Variants in RPL27 observed in about 807,000 individuals in gnomAD.
RPL27 encodes the protein ribosomal protein L27.
For synonymous variants in RPL27, 77 were observed against 61.0 expected, an observed-to-expected ratio of 1.26 and a Z score of -1.22; for missense variants, 131 against 174.3, an observed-to-expected ratio of 0.75 and a Z score of 1.40.
At chr17:43,000,765 G>A (rs1258455902) in intron 3 of RPL27, among the ~76,000 whole-genome samples, 1 of 149,410 alleles carries the variant, frequency 6.7e-6, no homozygotes, top group Non-Finnish European at 1.5e-5. Context: ...TTTTTAAGAA[G>A]TACAAGAGGC....
chr17:43,000,391 G>A (rs1352952246), intron 3 of RPL27, among the ~76,000 whole-genome samples: 1 of 152,074 alleles, frequency 6.6e-6, no homozygotes, highest in African/African-American at 2.4e-5. Flanking sequence ...CTGTGAGTGC[G>A]TGAAAGCAAG....
intron 3 of RPL27, among the ~76,000 whole-genome samples, chr17:43,002,301 C>T (rs961000786): frequency 5.9e-5 from 9 of 151,740 alleles, no homozygotes; most frequent in African/African-American, 9.7e-5. Context: ...GTCAGGAGAT[C>T]AAGACCGTCC....
At chr17:43,001,784 T>A (rs1229710809) in intron 3 of RPL27, among the ~76,000 whole-genome samples, 1 of 151,520 alleles carries the variant, frequency 6.6e-6, no homozygotes, top group Non-Finnish European at 1.5e-5. Context: ...CTAACTGTCA[T>A]GATGAAAGTC....
chr17:42,998,854 C>G, intron 2 of RPL27, 23 bp downstream of exon 2: 2 of 1,601,958 alleles, frequency 1.2e-6, no homozygotes, highest in South Asian at 2.2e-5. Flanking sequence ...CGGGACTCTG[C>G]GTCCTTGCAT....
Position 42,999,849 on chromosome 17 carries a change from A to G in RPL27, c.82-84A>G, listed in dbSNP as rs574396422. 3.7e-5 allele frequency: 41 copies of G among 1,098,992 alleles called. No individual in the cohort carries two copies. In the South Asian group the frequency reaches 3.9e-4, roughly 10 times the overall value. The allele number at this position is 1,098,992 out of a possible 1,614,324, so 68.1% of individuals were successfully genotyped here. A position where few individuals can be genotyped will look rare whatever the true frequency, so the allele number is the denominator to read the frequency against. On this transcript the variant is annotated intron_variant, in intron 2 of 4. Transcript: ENST00000253788. ...GGATCTTGGAGACCTGAGGGTGGAA[A>G]TATTTTTTGGACACTGCACTACCTC...
At chr17:42,999,644 C>T in intron 2 of RPL27, 1 of 317,686 alleles carries the variant, frequency 3.1e-6, no homozygotes, top group Non-Finnish European at 5.9e-6. Context: ...TGAATAGATA[C>T]CAAGTCCTGT....
At chr17:43,001,718 G>A (rs906623571) in intron 3 of RPL27, among the ~76,000 whole-genome samples, 4 of 151,792 alleles carry the variant, frequency 2.6e-5, no homozygotes, top group Non-Finnish European at 5.9e-5. Flanking sequence ...TGTCATGAGA[G>A]TGACTGCATT....
intron 1 of RPL27, 76 bp from the exon 2 acceptor site, chr17:42,998,673 T>C: frequency 1.7e-6 from 2 of 1,164,694 alleles, no homozygotes; most frequent in Non-Finnish European, 1.3e-6. Flanking sequence ...AGACCTGGGC[T>C]TGCTGGCAGG....
upstream of RPL27, chr17:42,998,295 GC>G (rs1382352875): frequency 6.4e-6 from 1 of 155,556 alleles, no homozygotes; most frequent in African/African-American, 2.4e-5. Context: ...GAGCTGCCGC[GC>G]CCTGCGTTTC....
intron 3 of RPL27, among the ~76,000 whole-genome samples, chr17:43,001,903 A>T (rs2050366077): frequency 6.6e-6 from 1 of 151,382 alleles, no homozygotes; most frequent in African/African-American, 2.4e-5. Flanking sequence ...CATCCTGGCT[A>T]ACACAGTGAA....
intron 3 of RPL27, among the ~76,000 whole-genome samples, chr17:43,001,650 A>G (rs1208458546): frequency 6.6e-6 from 1 of 151,412 alleles, no homozygotes; most frequent in Non-Finnish European, 1.5e-5. Context: ...AAAAGGGCAG[A>G]GAGAGCTGTT....
At chr17:43,000,569 C>G (rs1298215372) in intron 3 of RPL27, among the ~76,000 whole-genome samples, 1 of 149,494 alleles carries the variant, frequency 6.7e-6, no homozygotes, top group Non-Finnish European at 1.5e-5. Flanking sequence ...TCCCGAGTAG[C>G]TGGGAGTACA....
chr17:43,000,179 C>T lies in RPL27; in HGVS notation c.251+77C>T. On this transcript the variant is annotated intron_variant, in intron 3 of 4. Coordinates refer to ENST00000253788, the MANE Select transcript of RPL27 (RefSeq NM_000988.5). Reference sequence around the variant, plus strand: ...TAATGAGACAGACCTTGCAGCCATTCCAACACCAGGAAGGGATATCATTTC... The same window carrying T: ...TAATGAGACAGACCTTGCAGCCATTTCAACACCAGGAAGGGATATCATTTC... The T allele has an allele frequency of 2.7e-6, 3 of 1,120,714 alleles. No homozygotes were observed. The South Asian group carries it at 4.0e-5, about 15-fold the overall frequency. The allele number at this position is 1,120,714 out of a possible 1,614,324, so 69.4% of individuals were successfully genotyped here.
intron 3 of RPL27, among the ~76,000 whole-genome samples, chr17:43,000,916 T>C (rs1286396870): frequency 6.6e-6 from 1 of 151,004 alleles, no homozygotes; most frequent in African/African-American, 2.4e-5. Flanking sequence ...TAGCTGGGCA[T>C]GGTAATCCTG....
Position 43,000,047 on chromosome 17 carries a change from T to A in RPL27, c.196T>A (p.Ser66Thr). 6.2e-7 allele frequency: 1 copy of A among 1,613,048 alleles called. No individual in the cohort carries two copies. The highest frequency in any genetic ancestry group is 8.5e-7 in the Non-Finnish European group (1 of 1,179,896). Residue 66 changes from serine (S) to threonine (T), a missense_variant, in exon 3 of 5, where the codon TCA (serine) becomes ACA (threonine). Transcript: ENST00000253788. ...AMGKKKIAKRSKIKSFVKVYN... is the reference protein window; with the variant it reads ...AMGKKKIAKRTKIKSFVKVYN... The stretch of plus-strand genomic sequence containing the variant: ...GGGCAAGAAGAAGATCGCCAAGAGA[T>A]CAAAGATAAAATCTTTTGTGAAAGT...
chr17:43,002,743 C>G lies in RPL27; in HGVS notation c.322C>G (p.Arg108Gly), dbSNP rs138826063. Residue 108 changes from arginine to glycine, a missense_variant, in exon 4 of 5, where the codon CGC (arginine) becomes GGC (glycine). Transcript: ENST00000253788. ...TGTCTTCAGAGATCCTGCTCTTAAA[C>G]GCAAGGCCCGACGGGAGGCCAAGGT... The part of the protein sequence containing the change: ...KDVFRDPALK[R>G]KARREAKVKF... The G allele has an allele frequency of 9.3e-6, 15 of 1,613,706 alleles. No homozygotes were observed. Among genetic ancestry groups the G allele is most frequent in the Non-Finnish European group, 1.0e-5 (12 of 1,179,782 alleles).
upstream of RPL27, chr17:42,998,292 C>T (rs1232057661): frequency 6.4e-6 from 1 of 155,812 alleles, no homozygotes; most frequent in African/African-American, 2.4e-5. Flanking sequence ...CTTGAGCTGC[C>T]GCGCCCTGCG....
intron 3 of RPL27, among the ~76,000 whole-genome samples, chr17:43,000,501 G>A (rs1323059122): frequency 7.0e-6 from 1 of 142,350 alleles, no homozygotes; most frequent in Admixed American, 7.4e-5. Flanking sequence ...TTTTTGAGAC[G>A]GAGTCGCCCA....
chr17:43,002,469 T>G (rs2050374498), intron 3 of RPL27, among the ~76,000 whole-genome samples: 1 of 151,834 alleles, frequency 6.6e-6, no homozygotes, highest in South Asian at 2.1e-4. Flanking sequence ...ATCACACCAC[T>G]GCAGTCCAGC....
Sources: allele counts gnomAD v4.1 joint callset (sites outside exome capture counted in the v4.1 genomes callset), GRCh38; gene constraint gnomAD v4.1.1; transcripts MANE v1.5; gene names NCBI Gene and HGNC (gene_info 2026-07-23, HGNC 2026-07-21).